OTUD7A: variants seen among roughly 807,000 people sequenced by gnomAD.
OTUD7A encodes OTU domain-containing protein 7A.
Under a neutral mutation model 65.7 loss-of-function variants are expected in OTUD7A, and 12 were observed. That is an observed-to-expected ratio of 0.18 (90% CI 0.12 to 0.30). OTUD7A has a LOEUF of 0.30. OTUD7A is among the 10% of genes least tolerant of loss of function. OTUD7A has a pLI of 1.00. For synonymous variants in OTUD7A, 641 were observed against 586.3 expected, an observed-to-expected ratio of 1.09 and a Z score of -1.35; for missense variants, 1,148 against 1,304.8, an observed-to-expected ratio of 0.88 and a Z score of 1.85.
intron 3 of OTUD7A, among the ~76,000 whole-genome samples, chr15:31,607,253 C>A (rs1180667530): frequency 6.6e-6 from 1 of 152,136 alleles, no homozygotes; most frequent in Non-Finnish European, 1.5e-5. Flanking sequence ...TGGATCTGGG[C>A]AGATAGAAAC....
intron 1 of OTUD7A, among the ~76,000 whole-genome samples, chr15:31,811,635 G>A (rs1036446301): frequency 9.2e-5 from 14 of 152,178 alleles, no homozygotes; most frequent in African/African-American, 1.9e-4. Context: ...GATCTCCACC[G>A]CACTCCCGGG....
intron 1 of OTUD7A, among the ~76,000 whole-genome samples, chr15:31,690,689 T>C (rs1892941329): frequency 6.6e-6 from 1 of 152,202 alleles, no homozygotes; most frequent in African/African-American, 2.4e-5. Flanking sequence ...GAAAGAACAA[T>C]CTTTCCAATA....
chr15:31,725,712 A>G (rs1165697025), intron 1 of OTUD7A, among the ~76,000 whole-genome samples: 2 of 152,224 alleles, frequency 1.3e-5, no homozygotes, highest in Non-Finnish European at 2.9e-5. Flanking sequence ...CCAATGAAAT[A>G]TAAGTGGCAG....
chr15:31,616,648 G>C (rs1447435945), intron 3 of OTUD7A, among the ~76,000 whole-genome samples: 1 of 152,086 alleles, frequency 6.6e-6, no homozygotes, highest in East Asian at 1.9e-4. Context: ...AGGCTCAAGC[G>C]ATTCTCCTGC....
intron 6 of OTUD7A, among the ~76,000 whole-genome samples, chr15:31,528,307 C>T (rs1226564242): frequency 6.6e-6 from 1 of 152,188 alleles, no homozygotes; most frequent in Admixed American, 6.5e-5. Context: ...GTTGCTGTCC[C>T]AGCACAGGGA....
At chr15:31,563,807 G>T (rs73372585) in intron 4 of OTUD7A, among the ~76,000 whole-genome samples, 8 of 152,196 alleles carry the variant, frequency 5.3e-5, no homozygotes, top group African/African-American at 1.7e-4. Context: ...GCTATGCAGA[G>T]GGGAACAGGC....
intron 3 of OTUD7A, among the ~76,000 whole-genome samples, chr15:31,618,788 C>T (rs1890677675): frequency 6.6e-6 from 1 of 152,164 alleles, no homozygotes; most frequent in Admixed American, 6.5e-5. Flanking sequence ...AATTAGATCC[C>T]ATTTGTCAAT....
intron 1 of OTUD7A, among the ~76,000 whole-genome samples, chr15:31,689,818 G>A (rs1394461400): frequency 6.6e-6 from 1 of 152,142 alleles, no homozygotes; most frequent in Non-Finnish European, 1.5e-5. Flanking sequence ...CCAGGGGAGG[G>A]GACTGTGCTT....
intron 5 of OTUD7A, among the ~76,000 whole-genome samples, chr15:31,554,209 C>T (rs1248568285): frequency 2.6e-5 from 4 of 152,176 alleles, no homozygotes; most frequent in Non-Finnish European, 4.4e-5. Context: ...CCTCTGAGGC[C>T]CCACTTCATT....
At chr15:31,624,468 C>T (rs1890891993) in intron 3 of OTUD7A, among the ~76,000 whole-genome samples, 2 of 152,012 alleles carry the variant, frequency 1.3e-5, no homozygotes, top group South Asian at 4.2e-4. Flanking sequence ...ATAAAGCTGG[C>T]TTTTTCAAAG....
At chr15:31,870,098 G>A (rs1422183507) in intron 1 of OTUD7A, among the ~76,000 whole-genome samples, 1 of 150,124 alleles carries the variant, frequency 6.7e-6, no homozygotes, top group Non-Finnish European at 1.5e-5. Flanking sequence ...AGAGCCGCGG[G>A]ACCCCCGACG....
chr15:31,740,976 C>T (rs903612536), intron 1 of OTUD7A, among the ~76,000 whole-genome samples: 1 of 152,166 alleles, frequency 6.6e-6, no homozygotes, highest in African/African-American at 2.4e-5. Flanking sequence ...AAGTAGGACA[C>T]AGATGTGAAT....
At chr15:31,572,894 T>TA (rs780003306) in intron 3 of OTUD7A, among the ~76,000 whole-genome samples, 25 of 150,914 alleles carry the variant, frequency 1.7e-4, no homozygotes, top group South Asian at 1.1e-3. Flanking sequence ...CGAGTATAGG[T>TA]AAAAAAATCC....
chr15:31,802,141 G>GTGTGTATATATA (rs553698632), intron 1 of OTUD7A, among the ~76,000 whole-genome samples: 1 of 142,578 alleles, frequency 7.0e-6, no homozygotes, highest in South Asian at 2.3e-4. Flanking sequence ...GTGTGTGTGT[G>GTGTGTATATATA]TATATATATA....
chr15:31,758,881 G>A (rs1325738835), intron 1 of OTUD7A, among the ~76,000 whole-genome samples: 1 of 152,124 alleles, frequency 6.6e-6, no homozygotes, highest in Non-Finnish European at 1.5e-5. Flanking sequence ...TTTAGCCTGG[G>A]CTTCAACCAC....
chr15:31,658,562 G>T (rs1217214341), intron 1 of OTUD7A, among the ~76,000 whole-genome samples: 1 of 152,118 alleles, frequency 6.6e-6, no homozygotes, highest in African/African-American at 2.4e-5. Context: ...AGCCTTCCCA[G>T]GATCTCCCCA....
At chr15:31,525,234 G>A (rs28421860) in intron 8 of OTUD7A, among the ~76,000 whole-genome samples, 1 of 152,228 alleles carries the variant, frequency 6.6e-6, no homozygotes, top group African/African-American at 2.4e-5. Context: ...GAGGCGTGCA[G>A]AGGAAGAGAG....
At chr15:31,538,878 C>T (rs978654098) in intron 5 of OTUD7A, among the ~76,000 whole-genome samples, 8 of 152,180 alleles carry the variant, frequency 5.3e-5, no homozygotes, top group Admixed American at 2.0e-4. Context: ...CTTCCTCCCT[C>T]GCTGTAACAC....
intron 8 of OTUD7A, among the ~76,000 whole-genome samples, chr15:31,520,995 G>C (rs967716215): frequency 6.6e-6 from 1 of 152,174 alleles, no homozygotes; most frequent in Non-Finnish European, 1.5e-5. Flanking sequence ...GATGGATATG[G>C]AAGCGATTAT....
Sources: gnomAD v4.1 joint callset for allele counts (sites outside exome capture counted in the v4.1 genomes callset) on GRCh38, gnomAD v4.1.1 for gene constraint, MANE v1.5 for transcripts, NCBI Gene and HGNC (gene_info 2026-07-23, HGNC 2026-07-21) for gene names.